The following SMG5 variants were observed in gnomAD, a reference collection of about 807,000 sequenced individuals.
The protein encoded by SMG5 is nonsense-mediated mRNA decay factor SMG5.
In SMG5, 53 loss-of-function variants were observed where a neutral mutation model predicts 122.9. The ratio of observed to expected loss-of-function variants is 0.43; its 90% CI spans 0.35 to 0.54. The LOEUF (loss-of-function observed/expected upper bound fraction) is 0.54, where lower values mean the gene tolerates loss of function less well. Ranked by LOEUF, SMG5 falls within the 20% of genes least tolerant of loss-of-function variation. The pLI is 0.01. For missense variants in SMG5, 1,153 were observed against 1,285.6 expected (o/e 0.90, Z 1.58); for synonymous variants, 477 against 490.2 (o/e 0.97, Z 0.35).
intron 1 of SMG5, among the ~76,000 whole-genome samples, chr1:156,282,121 G>A (rs1403321820): frequency 6.6e-6 from 1 of 152,108 alleles, no homozygotes; most frequent in Non-Finnish European, 1.5e-5. Context: ...AATTCAAATC[G>A]TTCTTTTTAA....
At chr1:156,261,795 C>G (rs1431859061) in intron 13 of SMG5, among the ~76,000 whole-genome samples, 3 of 149,076 alleles carry the variant, frequency 2.0e-5, no homozygotes, top group Non-Finnish European at 3.0e-5. Flanking sequence ...GAGGCTGAGG[C>G]AGGAGAATCG....
chr1:156,287,606 C>CTTTTTTTTT (rs745468403), upstream of SMG5, among the ~76,000 whole-genome samples: 1 of 72,640 alleles, frequency 1.4e-5, no homozygotes, highest in Non-Finnish European at 2.6e-5. Flanking sequence ...TTACTCTCCA[C>CTTTTTTTTT]TTTTTTTTTT....
chr1:156,274,193 C>G (rs1662575360), intron 5 of SMG5, among the ~76,000 whole-genome samples: 1 of 152,160 alleles, frequency 6.6e-6, no homozygotes, highest in Admixed American at 6.5e-5. Flanking sequence ...ACTTTTCCAT[C>G]CTTAGAAACA....
the SMG5 span, chr1:156,290,064 T>TAAATA: frequency 6.6e-6 from 1 of 152,146 alleles, no homozygotes; most frequent in Non-Finnish European, 1.5e-5. Context: ...TGCAAGAGGA[T>TAAATA]AAATACAATG....
chr1:156,260,363 C>A, intron 15 of SMG5, 88 bp downstream of exon 15: 4 of 1,460,238 alleles, frequency 2.7e-6, no homozygotes, highest in Non-Finnish European at 3.7e-6. Context: ...AAGAGGGCAT[C>A]CTGCCCCCTC....
At chr1:156,285,840 G>A, upstream of SMG5, 5 of 1,613,644 alleles carry the variant, frequency 3.1e-6, no homozygotes, top group Non-Finnish European at 4.2e-6. Flanking sequence ...GCCTCCGTGG[G>A]AGCCGCACTC....
rs200938428 is a variant in SMG5, at chr1:156,268,426, T to C, written c.714-11A>G. 24 of 1,612,978 alleles carry C rather than the reference T, an allele frequency of 1.5e-5. No homozygotes were observed. The highest frequency in any genetic ancestry group is 4.0e-5 in the African/African-American group (3 of 74,884). Reference sequence around the variant, plus strand: ...ACTTCTGACTGGATGCTGTAAGAGATAGAGGTGAGCTACTGAGTCTTGGCA... The same window carrying C: ...ACTTCTGACTGGATGCTGTAAGAGACAGAGGTGAGCTACTGAGTCTTGGCA... On this transcript the variant is annotated splice_polypyrimidine_tract_variant and intron_variant, in intron 7 of 21. Transcript: ENST00000361813.
chr1:156,263,272 G>A, intron 13 of SMG5, 123 bp downstream of exon 13: 1 of 1,103,660 alleles, frequency 9.1e-7, no homozygotes, highest in South Asian at 1.5e-5. Flanking sequence ...ACAGATAGGT[G>A]ATTAATTGCT....
At chr1:156,279,132 C>T (rs867783712) in intron 1 of SMG5, 98 bp from the exon 2 acceptor site, 9 of 1,027,308 alleles carry the variant, frequency 8.8e-6, no homozygotes, top group Middle Eastern at 2.2e-4. Context: ...ACAGAATTAG[C>T]GGTGAGGGAA....
At chr1:156,257,206 C>T (rs1455547320) in intron 16 of SMG5, among the ~76,000 whole-genome samples, 1 of 152,124 alleles carries the variant, frequency 6.6e-6, no homozygotes, top group Non-Finnish European at 1.5e-5. Context: ...AGATTATAGG[C>T]GTGAGCCACA....
intron 16 of SMG5, among the ~76,000 whole-genome samples, chr1:156,255,627 T>C (rs1364495856): frequency 1.3e-5 from 2 of 152,160 alleles, no homozygotes; most frequent in African/African-American, 2.4e-5. Flanking sequence ...AGCTCATGCC[T>C]GTAATCCCAG....
In SMG5 at chr1:156,251,427, A is replaced by G; in HGVS notation, c.2804T>C (p.Leu935Pro). The stretch of plus-strand genomic sequence containing the variant: ...CCAGGCATCTGCATCCTGCCTCTTC[A>G]GCTTATGCCGCTCAAAGCTCTTTCC... ...EVGKSFERHK[L>P]KRQDADAWTL... Residue 935 changes from leucine to proline, a missense_variant, in exon 20 of 22, where the codon CTG becomes CCG. By Grantham distance (98) the Leu-to-Pro change is moderately conservative. This residue lies in a region of SMG5 where 140 missense variants were observed against 227.8 expected (regional missense o/e 0.61). Coordinates refer to ENST00000361813, the MANE Select transcript of SMG5 (RefSeq NM_015327.3). 1.2e-6 allele frequency: 2 copies of G among 1,614,170 alleles called. No individual in the cohort carries two copies. The highest frequency in any genetic ancestry group is 2.2e-5 in the South Asian group (2 of 91,082).
Position 156,272,536 on chromosome 1 carries a change from T to G in SMG5, c.635-138A>C, listed in dbSNP as rs1187909700. 4.5e-6 allele frequency: 3 copies of G among 664,562 alleles called. No homozygotes were observed. The African/African-American group carries it at 5.5e-5, about 12-fold the overall frequency. 41.2% of individuals were successfully genotyped at this position (664,562 alleles called of 1,614,324 possible). A position where few individuals can be genotyped will look rare whatever the true frequency, so the allele number is the denominator to read the frequency against. On this transcript the variant is annotated intron_variant, in intron 6 of 21. Coordinates refer to ENST00000361813, the MANE Select transcript of SMG5 (RefSeq NM_015327.3). The stretch of plus-strand genomic sequence containing the variant: ...GGCAACACTGGTTGTCTCAGGTGAT[T>G]AGCAGCTTAATCTTTTTCCTCTAGA...
rs141474857 is a variant in SMG5 at position 156,279,891 on chromosome 1, A to G, written c.75-857T>C. Among the ~76,000 whole-genome samples the G allele has an allele frequency of 1.7e-3, 263 of 152,310 alleles. 1 individual carries two copies. The highest frequency in any genetic ancestry group is 0.017 in the South Asian group (80 of 4,830). ...ATGAAACCAGACCGCCTGGATTCAA[A>G]TCTTAGCTCTACTTCTTACCAGCTA... On this transcript the variant is annotated intron_variant, in intron 1 of 21. Transcript: ENST00000361813.
At chr1:156,274,739 C>T (rs1662603053) in intron 4 of SMG5, 53 bp from the exon 5 acceptor site, 1 of 1,468,370 alleles carries the variant, frequency 6.8e-7, no homozygotes, top group Non-Finnish European at 9.5e-7. Flanking sequence ...CCTTCCCGCA[C>T]CTATGAAGAA....
At chr1:156,261,783 G>A (rs557053617) in intron 13 of SMG5, among the ~76,000 whole-genome samples, 4 of 151,794 alleles carry the variant, frequency 2.6e-5, no homozygotes, top group East Asian at 1.9e-4. Context: ...CCAGCTACTC[G>A]GGAGGCTGAG....
intron 5 of SMG5, 74 bp downstream of exon 5, chr1:156,274,523 G>T: frequency 7.3e-7 from 1 of 1,367,722 alleles, no homozygotes; most frequent in Non-Finnish European, 1.0e-6. Flanking sequence ...TGTAATGGGT[G>T]TTACCAACAA....
Position 156,282,648 on chromosome 1 carries a change from G to C in SMG5, c.33C>G (p.Ser11Arg), listed in dbSNP as rs1250933757. 1 of 1,607,972 alleles carries C rather than the reference G, an allele frequency of 6.2e-7. No homozygotes were observed. The highest frequency in any genetic ancestry group is 8.5e-7 in the Non-Finnish European group (1 of 1,179,632). MSQGPPTGES[S>R]EPEAKVLHTK... Reference sequence around the variant, plus strand: ...TGTGGAGGACTTTTGCTTCGGGCTCGCTGCTCTCCCCTGTGGGGGGGCCTT... The same window carrying C: ...TGTGGAGGACTTTTGCTTCGGGCTCCCTGCTCTCCCCTGTGGGGGGGCCTT... The change falls in exon 1 of 22, where the codon AGC becomes AGG. Residue 11 changes from serine (S) to arginine (R), a missense_variant. Around this residue, in one of 5 missense-constraint regions of SMG5, gnomAD observed 213 missense variants for 197.5 expected, o/e 1.08. Coordinates refer to ENST00000361813, the MANE Select transcript of SMG5 (RefSeq NM_015327.3).
chr1:156,267,389 T>A (rs1176257055), intron 10 of SMG5, 81 bp downstream of exon 10: 14 of 1,420,900 alleles, frequency 9.9e-6, no homozygotes, highest in Non-Finnish European at 1.4e-5. Context: ...GAAGGAAGTT[T>A]ATGAATAAGG....
Sources: allele counts gnomAD v4.1 joint callset (sites outside exome capture counted in the v4.1 genomes callset), GRCh38; gene constraint gnomAD v4.1.1; regional missense constraint gnomAD v4.1.1; transcripts MANE v1.5; gene names NCBI Gene and HGNC (gene_info 2026-07-23, HGNC 2026-07-21).